SETD2: variants seen among roughly 807,000 people sequenced by gnomAD.
SETD2 encodes the protein histone-lysine N-methyltransferase SETD2.
In SETD2, 31 loss-of-function variants were observed where a neutral mutation model predicts 242.1. That is an observed-to-expected ratio of 0.13 (90% CI 0.10 to 0.17). The LOEUF (loss-of-function observed/expected upper bound fraction) is 0.17, where lower values mean the gene tolerates loss of function less well. Ranked by LOEUF, SETD2 falls within the 10% of genes least tolerant of loss-of-function variation. The probability of loss-of-function intolerance (pLI) is 1.00; values close to 1 mark genes in which losing one functional copy is unlikely to be tolerated. For missense variants in SETD2, 2,481 were observed against 3,046.3 expected (o/e 0.81, Z 4.37); for synonymous variants, 1,006 against 1,066.5 (o/e 0.94, Z 1.11).
intron 1 of SETD2, among the ~76,000 whole-genome samples, chr3:47,148,045 A>G (rs2106815026): frequency 6.6e-6 from 1 of 152,160 alleles, no homozygotes; most frequent in South Asian, 2.1e-4. Flanking sequence ...GGCTAAAAAT[A>G]TATTTTAGTA....
chr3:47,101,731 T>C (rs941209258), intron 7 of SETD2, among the ~76,000 whole-genome samples, 176 bp from the exon 8 acceptor site: 4 of 151,972 alleles, frequency 2.6e-5, no homozygotes, highest in African/African-American at 9.7e-5. Flanking sequence ...CTTTTTTCTT[T>C]AAAAGAACTA....
At position 47,163,950 on chromosome 3, in the gene SETD2, G is replaced by C. The variant is rs758881707; in HGVS notation, c.-26C>G. 1 of 1,275,708 alleles carries C rather than the reference G, an allele frequency of 7.8e-7. No individual in the cohort carries two copies. The highest frequency in any genetic ancestry group is 3.0e-5 in the East Asian group (1 of 32,968). 79.0% of individuals were successfully genotyped at this position (1,275,708 alleles called of 1,614,324 possible). ...CGGGAGCGGCTGGAGACGGCGACGCGAGCCCCCTCCCCGCAGCAGGGCGAC... is the reference window on the plus strand; with the variant it reads ...CGGGAGCGGCTGGAGACGGCGACGCCAGCCCCCTCCCCGCAGCAGGGCGAC... On this transcript the variant is annotated 5_prime_UTR_variant, in exon 1 of 21. Coordinates refer to ENST00000409792, the MANE Select transcript of SETD2 (RefSeq NM_014159.7).
At chr3:47,037,640 G>A in intron 18 of SETD2, 26 bp downstream of exon 18, 1 of 1,554,892 alleles carries the variant, frequency 6.4e-7, no homozygotes. Context: ...AAATGATCAG[G>A]AAATACATGT....
At chr3:47,138,295 A>T in intron 1 of SETD2, 1 of 306,016 alleles carries the variant, frequency 3.3e-6, no homozygotes, top group Non-Finnish European at 6.8e-6. Context: ...TTTGAAACCA[A>T]GTCTCACTCT....
At chr3:47,089,749 T>C (rs1315713116) in intron 9 of SETD2, among the ~76,000 whole-genome samples, 1 of 152,044 alleles carries the variant, frequency 6.6e-6, no homozygotes, top group African/African-American at 2.4e-5. Flanking sequence ...AAATGTTACA[T>C]AGAACTAAGA....
intron 1 of SETD2, among the ~76,000 whole-genome samples, chr3:47,149,628 AG>A (rs2043937602): frequency 6.6e-6 from 1 of 152,150 alleles, no homozygotes; most frequent in South Asian, 2.1e-4. Flanking sequence ...GGCTAAGTTC[AG>A]GTATTCTTCT....
intron 15 of SETD2, among the ~76,000 whole-genome samples, chr3:47,050,145 G>C (rs2039760348): frequency 6.6e-6 from 1 of 151,338 alleles, no homozygotes; most frequent in South Asian, 2.1e-4. Context: ...GAGAATAATT[G>C]AATGTTTCTA....
Position 47,124,433 on chromosome 3 carries a change from T to C in SETD2, c.203A>G (p.Gln68Arg), listed in dbSNP as rs534514808. The C allele has an allele frequency of 3.2e-6, 5 of 1,551,994 alleles. No homozygotes were observed. In the South Asian group the frequency reaches 4.8e-5, roughly 15 times the overall value. Residue 68 changes from glutamine (Q) to arginine (R), a missense_variant, in exon 3 of 21, where the codon CAG becomes CGG. Gln to Arg is a conservative substitution (Grantham distance 43, BLOSUM62 1). Transcript: ENST00000409792. ...GCTGAATGACACCTTCTGTCGTCCC[T>C]GTTCTTCCAAATTAACTTTTGTTTT... is the stretch of plus-strand genomic sequence containing the variant. ...GTKTKVNLEE[Q>R]GRQKVSFSFS...
intron 8 of SETD2, among the ~76,000 whole-genome samples, chr3:47,100,271 T>G (rs2042159354): frequency 6.6e-6 from 1 of 151,126 alleles, no homozygotes. Context: ...CGTTTGCTTT[T>G]TATTTTTTTT....
chr3:47,026,313 C>T (rs4682828), intron 18 of SETD2, among the ~76,000 whole-genome samples: 145,079 of 152,328 alleles, frequency 0.95, 69,523 homozygotes, highest in East Asian at 1. Flanking sequence ...CAACAGACAC[C>T]GGAGAGGTTG....
chr3:47,024,682 C>A (rs1428465463), intron 18 of SETD2, among the ~76,000 whole-genome samples: 1 of 152,210 alleles, frequency 6.6e-6, no homozygotes, highest in Non-Finnish European at 1.5e-5. Context: ...TGCCACCTCT[C>A]TGCAACTCCC....
intron 5 of SETD2, among the ~76,000 whole-genome samples, chr3:47,106,749 T>C (rs2042440892): frequency 6.6e-6 from 1 of 150,566 alleles, no homozygotes; most frequent in South Asian, 2.1e-4. Flanking sequence ...GAGGCAGAAG[T>C]TGCAGTGAGC....
Position 47,057,443 on chromosome 3 carries a change from T to C in SETD2, c.6341A>G (p.Asn2114Ser), listed in dbSNP as rs371523162. The C allele has an allele frequency of 5.6e-6, 9 of 1,614,114 alleles. No homozygotes were observed. The African/African-American group carries it at 6.7e-5, about 12-fold the overall frequency. The change falls in exon 15 of 21, where the codon AAT (asparagine) becomes AGT (serine). Residue 2114 changes from asparagine (N) to serine (S), a missense_variant. Transcript: ENST00000409792. Reference protein sequence around the residue: ...SKKKVRIKDRNKLSTEERRKL... With the variant: ...SKKKVRIKDRSKLSTEERRKL... Reference sequence around the variant, plus strand: ...CCGGCGTTCCTCTGTAGAAAGTTTATTGCGGTCTTTAATTCGTACTTTCTT... The same window carrying C: ...CCGGCGTTCCTCTGTAGAAAGTTTACTGCGGTCTTTAATTCGTACTTTCTT...
At chr3:47,071,878 C>T (rs2040835371) in intron 12 of SETD2, among the ~76,000 whole-genome samples, 2 of 152,020 alleles carry the variant, frequency 1.3e-5, no homozygotes, top group Non-Finnish European at 2.9e-5. Flanking sequence ...ATTAATACAT[C>T]CCAAATAAAC....
intron 18 of SETD2, among the ~76,000 whole-genome samples, chr3:47,032,827 G>A (rs1039410046): frequency 4.0e-5 from 6 of 151,326 alleles, no homozygotes; most frequent in East Asian, 2.0e-4. Context: ...CATGAGAATC[G>A]TTTGAACCCG....
rs2106868717 is a variant in SETD2 at position 47,163,915 on chromosome 3, G to C, written c.10C>G (p.Leu4Val). 7.6e-7 allele frequency: 1 copy of C among 1,311,926 alleles called. No individual in the cohort carries two copies. Among genetic ancestry groups the C allele is most frequent in the Non-Finnish European group, 9.8e-7 (1 of 1,025,448 alleles). The allele number at this position is 1,311,926 out of a possible 1,614,324, so 81.3% of individuals were successfully genotyped here. A position where few individuals can be genotyped will look rare whatever the true frequency, so the allele number is the denominator to read the frequency against. The change falls in exon 1 of 21, where the codon CTG (leucine) becomes GTG (valine). Residue 4 changes from leucine (L) to valine (V), a missense_variant. Coordinates refer to ENST00000409792, the MANE Select transcript of SETD2 (RefSeq NM_014159.7). MKQ[L>V]QPQPPPKMGD... ...ATCTTCGGAGGCGGCTGCGGCTGCA[G>C]CTGCTTCATCGGGAGCGGCTGGAGA...
At position 47,046,638 on chromosome 3, in the gene SETD2, A is replaced by T; in HGVS notation, c.6964-17T>A. 1 of 1,598,358 alleles carries T rather than the reference A, an allele frequency of 6.3e-7. No individual in the cohort carries two copies. Among genetic ancestry groups the T allele is most frequent in the Non-Finnish European group, 8.5e-7 (1 of 1,172,260 alleles). ...GGCATAACTCTAAAAGATAAAATGA[A>T]GAAATCAATAATTTAAGCTTTTGTC... On this transcript the variant is annotated splice_polypyrimidine_tract_variant and intron_variant, in intron 15 of 20. Coordinates refer to ENST00000409792, the MANE Select transcript of SETD2 (RefSeq NM_014159.7).
intron 1 of SETD2, among the ~76,000 whole-genome samples, chr3:47,143,974 T>A (rs561612864): frequency 1.2e-4 from 19 of 152,268 alleles, no homozygotes; most frequent in African/African-American, 4.6e-4. Flanking sequence ...CCTCCCAAAG[T>A]GCCGGGATTA....
chr3:47,110,053 G>A (rs756605637), intron 5 of SETD2, among the ~76,000 whole-genome samples: 16 of 150,174 alleles, frequency 1.1e-4, no homozygotes, highest in Admixed American at 1.0e-3. Context: ...ACAAAATATC[G>A]TATACCCATA....
Sources: gnomAD v4.1 joint callset for allele counts (sites outside exome capture counted in the v4.1 genomes callset) on GRCh38, gnomAD v4.1.1 for gene constraint, MANE v1.5 for transcripts, NCBI Gene and HGNC (gene_info 2026-07-23, HGNC 2026-07-21) for gene names.